UBE2D2: variants seen among roughly 807,000 people sequenced by gnomAD.
UBE2D2 encodes the protein ubiquitin conjugating enzyme E2 D2.
Under a neutral mutation model 24.2 loss-of-function variants are expected in UBE2D2, and 2 were observed. The observed-to-expected ratio is 0.08, with a 90% CI of 0.03 to 0.26. The LOEUF (loss-of-function observed/expected upper bound fraction) is 0.26. Ranked by LOEUF, UBE2D2 falls within the 10% of genes least tolerant of loss-of-function variation. The pLI, the probability that UBE2D2 is intolerant of heterozygous loss-of-function variation, is 1.00. For synonymous variants in UBE2D2, 58 were observed against 56.5 expected, an observed-to-expected ratio of 1.03 and a Z score of -0.12; for missense variants, 44 against 177.6, an observed-to-expected ratio of 0.25 and a Z score of 4.28.
chr5:139,605,236 A>T (rs1205492742), intron 2 of UBE2D2, among the ~76,000 whole-genome samples: 1 of 152,196 alleles, frequency 6.6e-6, no homozygotes, highest in Non-Finnish European at 1.5e-5. Context: ...ATTTTAATGT[A>T]CTAGTAAATT....
intron 1 of UBE2D2, among the ~76,000 whole-genome samples, chr5:139,568,194 A>G (rs1274280148): frequency 6.6e-6 from 1 of 151,970 alleles, no homozygotes; most frequent in Non-Finnish European, 1.5e-5. Flanking sequence ...AAATACAAAA[A>G]TTAGCCAGGT....
At chr5:139,584,514 T>C (rs1753676523) in intron 1 of UBE2D2, among the ~76,000 whole-genome samples, 2 of 149,026 alleles carry the variant, frequency 1.3e-5, no homozygotes, top group African/African-American at 5.1e-5. Flanking sequence ...AAACACCTTT[T>C]TCTTTTTTCT....
chr5:139,613,267 G>T (rs185220819), intron 2 of UBE2D2, among the ~76,000 whole-genome samples: 85 of 152,246 alleles, frequency 5.6e-4, no homozygotes, highest in Middle Eastern at 3.4e-3. Flanking sequence ...ATTTTTATAT[G>T]GCTTCTTAGT....
intron 5 of UBE2D2, among the ~76,000 whole-genome samples, chr5:139,619,788 G>A (rs140685875): frequency 0.014 from 2,091 of 152,126 alleles, 49 homozygotes; most frequent in African/African-American, 0.047. Flanking sequence ...GCTTGAACCC[G>A]GGAGGCGGAG....
intron 2 of UBE2D2, among the ~76,000 whole-genome samples, chr5:139,601,144 A>G (rs866402036): frequency 6.6e-6 from 1 of 152,196 alleles, no homozygotes; most frequent in East Asian, 1.9e-4. Flanking sequence ...TATCTGCTTA[A>G]TTTTGTCTAA....
At chr5:139,617,416 G>T (rs1422139015) in intron 5 of UBE2D2, among the ~76,000 whole-genome samples, 5 of 104,334 alleles carry the variant, frequency 4.8e-5, no homozygotes, top group Admixed American at 1.4e-4. Flanking sequence ...CGCTCTTGTT[G>T]CCCAGGCTGG....
intron 1 of UBE2D2, 168 bp downstream of exon 1, chr5:139,561,983 C>T: frequency 9.7e-7 from 1 of 1,030,722 alleles, no homozygotes; most frequent in Non-Finnish European, 1.3e-6. Flanking sequence ...CCGTGGAGGC[C>T]CCGGCGCGCA....
At chr5:139,576,411 C>G (rs905828060) in intron 1 of UBE2D2, among the ~76,000 whole-genome samples, 17 of 151,678 alleles carry the variant, frequency 1.1e-4, no homozygotes, top group Non-Finnish European at 2.4e-4. Flanking sequence ...ATCACCTTCT[C>G]TGTGTGTGTC....
chr5:139,579,874 T>C (rs935394541), intron 1 of UBE2D2, among the ~76,000 whole-genome samples: 13 of 151,684 alleles, frequency 8.6e-5, no homozygotes, highest in African/African-American at 2.9e-4. Context: ...GGTGAAACCC[T>C]GTCTCTACTA....
chr5:139,611,388 A>G (rs1301002037), intron 2 of UBE2D2, among the ~76,000 whole-genome samples: 3 of 151,784 alleles, frequency 2.0e-5, no homozygotes, highest in African/African-American at 7.3e-5. Flanking sequence ...GGGTTTCACT[A>G]TGTTGGTCAG....
rs529646128 is a variant in UBE2D2 at position 139,548,942 on chromosome 5, G to A, written c.-64+22330G>A. Among the ~76,000 whole-genome samples the A allele has an allele frequency of 2.6e-5, 4 of 151,750 alleles. No individual in the cohort carries two copies. In the East Asian group the frequency reaches 5.8e-4, roughly 22 times the overall value. ...CAGCTCACTGCAACCTCCGTCTCCC[G>A]GGTTCAAGCGATTCTCCTGCCTCAG... On this transcript the variant is annotated intron_variant, in intron 1 of 6. Coordinates refer to the UBE2D2 transcript ENST00000511725.
chr5:139,544,995 G>A (rs1337400521), intron 1 of UBE2D2, among the ~76,000 whole-genome samples: 1 of 151,810 alleles, frequency 6.6e-6, no homozygotes, highest in Non-Finnish European at 1.5e-5. Context: ...TGGCCAGGAT[G>A]GTCTCGATCT....
At chr5:139,532,189 G>GT (rs1752605981) in intron 1 of UBE2D2, among the ~76,000 whole-genome samples, 1 of 101,270 alleles carries the variant, frequency 9.9e-6, no homozygotes, top group African/African-American at 3.8e-5. Flanking sequence ...TTTTTTTTTT[G>GT]GGGGGGACAG....
intron 1 of UBE2D2, among the ~76,000 whole-genome samples, chr5:139,567,749 G>C (rs1753263378): frequency 6.7e-6 from 1 of 149,674 alleles, no homozygotes; most frequent in Non-Finnish European, 1.5e-5. Context: ...GGCCAAGCTG[G>C]TCTCAAACTC....
intron 2 of UBE2D2, among the ~76,000 whole-genome samples, chr5:139,610,509 C>G (rs1222156263): frequency 2.0e-5 from 3 of 151,452 alleles, no homozygotes; most frequent in African/African-American, 7.3e-5. Context: ...CATTGCACTC[C>G]AGCCTGGGCA....
At chr5:139,622,052 AC>A (rs963258862) in intron 5 of UBE2D2, among the ~76,000 whole-genome samples, 7 of 152,174 alleles carry the variant, frequency 4.6e-5, no homozygotes, top group African/African-American at 1.7e-4. Context: ...GGGACATTGA[AC>A]ACGTCACTGC....
intron 1 of UBE2D2, among the ~76,000 whole-genome samples, chr5:139,596,741 A>G (rs1753967037): frequency 6.6e-6 from 1 of 151,772 alleles, no homozygotes; most frequent in African/African-American, 2.4e-5. Context: ...TCTCTGCATT[A>G]AAATAATAAT....
At chr5:139,608,092 G>A (rs1754235302) in intron 2 of UBE2D2, among the ~76,000 whole-genome samples, 1 of 151,644 alleles carries the variant, frequency 6.6e-6, no homozygotes, top group African/African-American at 2.4e-5. Flanking sequence ...ATGAAAGATT[G>A]CAATATTAGT....
chr5:139,550,825 T>C (rs1163161397), intron 1 of UBE2D2, among the ~76,000 whole-genome samples: 2 of 151,962 alleles, frequency 1.3e-5, no homozygotes, highest in African/African-American at 2.4e-5. Flanking sequence ...AGGAAGAAAC[T>C]CCAAACACGT....
Sources: gnomAD v4.1 joint callset for allele counts (sites outside exome capture counted in the v4.1 genomes callset) on GRCh38, gnomAD v4.1.1 for gene constraint, MANE v1.5 for transcripts, NCBI Gene and HGNC (gene_info 2026-07-23, HGNC 2026-07-21) for gene names.